Variants in RIMS2 observed in about 807,000 individuals in gnomAD.
RIMS2 encodes the protein regulating synaptic membrane exocytosis 2, also known as regulating synaptic membrane exocytosis protein 2.
Under a neutral mutation model 174.4 loss-of-function variants are expected in RIMS2, and 59 were observed. The ratio of observed to expected loss-of-function variants is 0.34; its 90% CI spans 0.27 to 0.42. The LOEUF (loss-of-function observed/expected upper bound fraction) is 0.42, where lower values mean the gene tolerates loss of function less well. RIMS2 is among the 10% of genes least tolerant of loss of function. The pLI, the probability that RIMS2 is intolerant of heterozygous loss-of-function variation, is 1.00. For missense variants in RIMS2, 1,620 were observed against 1,666.3 expected (o/e 0.97, Z 0.48); for synonymous variants, 606 against 572.5 (o/e 1.06, Z -0.84).
At chr8:103,966,099 T>C (rs2091754198) in intron 15 of RIMS2, among the ~76,000 whole-genome samples, 1 of 152,178 alleles carries the variant, frequency 6.6e-6, no homozygotes, top group Admixed American at 6.5e-5. Context: ...TCTTTTCTTT[T>C]AATGTCTTTG....
At chr8:103,779,665 A>T (rs1339901496) in intron 3 of RIMS2, among the ~76,000 whole-genome samples, 1 of 148,716 alleles carries the variant, frequency 6.7e-6, no homozygotes, top group South Asian at 2.1e-4. Context: ...AGAAAACCAA[A>T]CACCGCATGT....
chr8:103,640,378 G>A (rs1400200185), intron 1 of RIMS2, among the ~76,000 whole-genome samples: 1 of 151,744 alleles, frequency 6.6e-6, no homozygotes, highest in Admixed American at 6.6e-5. Context: ...CGGTTTTCAA[G>A]TTCATTGATT....
At chr8:104,141,401 T>A (rs553050649) in intron 19 of RIMS2, among the ~76,000 whole-genome samples, 2 of 152,298 alleles carry the variant, frequency 1.3e-5, no homozygotes, top group South Asian at 4.1e-4. Flanking sequence ...GGAATATTCC[T>A]AGTTTCCTTA....
chr8:103,918,651 G>T, intron 9 of RIMS2, 164 bp downstream of exon 12: 1 of 569,128 alleles, frequency 1.8e-6, no homozygotes, highest in South Asian at 2.6e-5. Context: ...ATGTCACTGT[G>T]GGAAAAACAA....
At chr8:104,077,272 C>T (rs1337820706) in intron 19 of RIMS2, among the ~76,000 whole-genome samples, 2 of 151,888 alleles carry the variant, frequency 1.3e-5, no homozygotes, top group East Asian at 3.9e-4. Context: ...GAAAGAAGGA[C>T]AAAAGGAAGA....
chr8:103,786,564 C>A (rs188302476), intron 3 of RIMS2, among the ~76,000 whole-genome samples: 2 of 152,142 alleles, frequency 1.3e-5, no homozygotes, highest in African/African-American at 4.8e-5. Context: ...GTTCAGTTTT[C>A]ATGTAGTTGA....
intron 1 of RIMS2, among the ~76,000 whole-genome samples, chr8:103,590,688 T>TC (rs1377763367): frequency 6.6e-6 from 1 of 151,226 alleles, no homozygotes; most frequent in East Asian, 1.9e-4. Flanking sequence ...AGACTTTTTT[T>TC]CCCACCATGA....
intron 1 of RIMS2, among the ~76,000 whole-genome samples, chr8:103,524,588 A>G (rs535783914): frequency 6.6e-6 from 1 of 152,290 alleles, no homozygotes; most frequent in South Asian, 2.1e-4. Context: ...AATGGTGTTA[A>G]ACAGCTAATG....
At chr8:104,254,241 G>A (rs2099365016), downstream of RIMS2, 2 of 151,634 alleles carry the variant, frequency 1.3e-5, no homozygotes, top group South Asian at 4.2e-4. Context: ...CTCGACTTGT[G>A]GTTTAGTCAT....
chr8:103,867,144 ATC>A (rs886157494), intron 3 of RIMS2, among the ~76,000 whole-genome samples: 6 of 151,944 alleles, frequency 3.9e-5, no homozygotes, highest in Non-Finnish European at 7.4e-5. Context: ...TAAAAATGAA[ATC>A]TGTTTTAAAA....
At position 104,093,919 on chromosome 8, in the gene RIMS2, T is replaced by G. The variant is rs78889878; in HGVS notation, c.3334+79304T>G. 1.0e-3 allele frequency among the ~76,000 whole-genome samples: 158 copies of G among 152,124 alleles called. 1 individual carries two copies. In the East Asian group the frequency reaches 0.021, roughly 20 times the overall value. Reference sequence around the variant, plus strand: ...TTTGTAATTTAAAAATTAAGACCTCTTATATCTTTATTGAAATAAAAGTGA... The same window carrying G: ...TTTGTAATTTAAAAATTAAGACCTCGTATATCTTTATTGAAATAAAAGTGA... On this transcript the variant is annotated intron_variant, in intron 19 of 23. Coordinates refer to ENST00000504942, the Ensembl canonical transcript of RIMS2.
chr8:104,023,693 A>C (rs528518986), intron 19 of RIMS2, among the ~76,000 whole-genome samples: 1 of 152,284 alleles, frequency 6.6e-6, no homozygotes, highest in Admixed American at 6.5e-5. Flanking sequence ...TATGGTCTAC[A>C]TTTCATATTA....
chr8:103,886,295 A>G, intron 4 of RIMS2, 72 bp downstream of exon 7: 1 of 1,318,060 alleles, frequency 7.6e-7, no homozygotes, highest in Non-Finnish European at 1.0e-6. Flanking sequence ...TGCATTTCTG[A>G]GTGAAAATTT....
intron 3 of RIMS2, among the ~76,000 whole-genome samples, chr8:103,874,958 T>G (rs1001032428): frequency 3.9e-5 from 6 of 152,038 alleles, no homozygotes; most frequent in South Asian, 2.1e-4. Flanking sequence ...ACCACACTTT[T>G]TTTGTTTGTT....
intron 19 of RIMS2, among the ~76,000 whole-genome samples, chr8:104,106,037 C>CAAAAAAAAAAAAAAAAAAAAAAAAAA (rs575916023): frequency 1.8e-5 from 1 of 56,914 alleles, no homozygotes; most frequent in African/African-American, 5.9e-5. Context: ...GACTCTGCCA[C>CAAAAAAAAAAAAAAAAAAAAAAAAAA]AAAAAAAAAA....
At chr8:103,749,923 A>G (rs567066450) in intron 2 of RIMS2, among the ~76,000 whole-genome samples, 3 of 152,258 alleles carry the variant, frequency 2.0e-5, no homozygotes, top group Admixed American at 1.3e-4. Flanking sequence ...AGAATAGGTG[A>G]TTGCTGCCTT....
At chr8:103,547,063 A>G (rs1845462070) in intron 1 of RIMS2, among the ~76,000 whole-genome samples, 1 of 152,224 alleles carries the variant, frequency 6.6e-6, no homozygotes, top group Non-Finnish European at 1.5e-5. Context: ...CAGAAAAACA[A>G]ATTGACCAAG....
At chr8:103,796,380 G>T (rs2098549902) in intron 3 of RIMS2, among the ~76,000 whole-genome samples, 1 of 152,086 alleles carries the variant, frequency 6.6e-6, no homozygotes, top group Admixed American at 6.6e-5. Flanking sequence ...GTTATAAAGT[G>T]CTATTTAAGA....
chr8:103,639,900 T>C (rs1200084540), intron 1 of RIMS2, among the ~76,000 whole-genome samples: 2 of 151,950 alleles, frequency 1.3e-5, no homozygotes, highest in Non-Finnish European at 2.9e-5. Context: ...TTGGTTGGGA[T>C]TGCCATGTTT....
Sources: gnomAD v4.1 joint callset for allele counts (sites outside exome capture counted in the v4.1 genomes callset) on GRCh38, gnomAD v4.1.1 for gene constraint, MANE v1.5 for transcripts, NCBI Gene and HGNC (gene_info 2026-07-23, HGNC 2026-07-21) for gene names.